CLPTM1: variants seen among roughly 807,000 people sequenced by gnomAD.
The protein encoded by CLPTM1 is CLPTM1 regulator of GABA type A receptor forward trafficking, also known as putative lipid scramblase CLPTM1.
A neutral mutation model predicts 77.3 loss-of-function variants in CLPTM1; 21 were observed. That is an observed-to-expected ratio of 0.27 (90% CI 0.19 to 0.39). The LOEUF (loss-of-function observed/expected upper bound fraction) is 0.39, where lower values mean the gene tolerates loss of function less well. CLPTM1 is among the 10% of genes least tolerant of loss of function. The probability of loss-of-function intolerance (pLI) is 1.00; values close to 1 mark genes in which losing one functional copy is unlikely to be tolerated. For missense variants in CLPTM1, 642 were observed against 921.2 expected, an observed-to-expected ratio of 0.70 and a Z score of 3.92; for synonymous variants, 373 against 381.0, an observed-to-expected ratio of 0.98 and a Z score of 0.24.
At chr19:44,978,279 C>T (rs1970837465) in intron 5 of CLPTM1, among the ~76,000 whole-genome samples, 1 of 152,030 alleles carries the variant, frequency 6.6e-6, no homozygotes, top group African/African-American at 2.4e-5. Context: ...GTAGCATGCT[C>T]CTGTAGTCCC....
chr19:44,963,329 T>C (rs1245808546), intron 2 of CLPTM1, among the ~76,000 whole-genome samples: 1 of 36,710 alleles, frequency 2.7e-5, no homozygotes, highest in Non-Finnish European at 5.1e-5. Flanking sequence ...ATTTTATGTA[T>C]TTTTTTTTTT....
chr19:44,975,306 T>A (rs1338701121), intron 4 of CLPTM1, among the ~76,000 whole-genome samples: 1 of 152,224 alleles, frequency 6.6e-6, no homozygotes, highest in Non-Finnish European at 1.5e-5. Context: ...CTTGTGATAA[T>A]AAGGCTGGGG....
At chr19:44,985,147 G>C in intron 5 of CLPTM1, 71 bp from the exon 6 acceptor site, 2 of 1,075,408 alleles carry the variant, frequency 1.9e-6, no homozygotes, top group South Asian at 2.6e-5. Context: ...TGGTGGGCAG[G>C]GGTCCGGGCT....
At chr19:44,983,220 G>A (rs1164595955) in intron 5 of CLPTM1, among the ~76,000 whole-genome samples, 3 of 152,082 alleles carry the variant, frequency 2.0e-5, no homozygotes, top group African/African-American at 4.8e-5. Flanking sequence ...CAGAGCCCCC[G>A]CTGTTGGCCA....
chr19:44,955,068 G>C (rs28372750), upstream of CLPTM1: 3 of 1,535,720 alleles, frequency 2.0e-6, no homozygotes, highest in Non-Finnish European at 2.6e-6. Flanking sequence ...GTCCCGAAAG[G>C]CTCATATAAC....
chr19:44,975,120 C>T lies in CLPTM1; in HGVS notation c.468+523C>T, dbSNP rs376209646. On this transcript the variant is annotated intron_variant, in intron 4 of 13. Coordinates refer to ENST00000337392, the MANE Select transcript of CLPTM1 (RefSeq NM_001294.4). ...ATGAGAGATTCAGACTCAGGCTCTACGGCTGTGGACTCTCGCAGCCCTAGG... is the reference window on the plus strand; with the variant it reads ...ATGAGAGATTCAGACTCAGGCTCTATGGCTGTGGACTCTCGCAGCCCTAGG... 1.7e-4 allele frequency among the ~76,000 whole-genome samples: 26 copies of T among 152,314 alleles called. No individual in the cohort carries two copies. In the East Asian group the frequency reaches 3.3e-3, roughly 19 times the overall value.
rs1478925334 is a variant in CLPTM1 at position 44,977,572 on chromosome 19, TGTGCTCAAAGAGG to T, written c.586+116_586+128del. Reference sequence around the variant, plus strand: ...AGTCCAGGAGGGCAGGCAGGAAGCCTGTGCTCAAAGAGGGTGGGATTGGCAGGGCAGGCTCAAG... The same window carrying T: ...AGTCCAGGAGGGCAGGCAGGAAGCCTGTGGGATTGGCAGGGCAGGCTCAAG... On this transcript the variant is annotated intron_variant, in intron 5 of 13. Transcript: ENST00000337392. The T allele has an allele frequency of 1.4e-5, 12 of 851,716 alleles. 1 individual carries two copies. The Admixed American group carries it at 2.4e-4, about 17-fold the overall frequency. 52.8% of individuals were successfully genotyped at this position (851,716 alleles called of 1,614,324 possible).
rs535206875 is a variant in CLPTM1 at position 44,970,028 on chromosome 19, G to A, written c.186-3059G>A. ...GCTGCTGATTCTCGCTCATAATGTCGTTTCCTTTTGTGCCTGGCTTATCTC... is the reference window on the plus strand; with the variant it reads ...GCTGCTGATTCTCGCTCATAATGTCATTTCCTTTTGTGCCTGGCTTATCTC... On this transcript the variant is annotated intron_variant, in intron 2 of 13. Coordinates refer to ENST00000337392, the MANE Select transcript of CLPTM1 (RefSeq NM_001294.4). Among the ~76,000 whole-genome samples the A allele has an allele frequency of 8.8e-5, 13 of 147,486 alleles. 3 individuals carry two copies. Among genetic ancestry groups the A allele is most frequent in the African/African-American group, 3.2e-4 (12 of 37,810 alleles).
At chr19:44,967,790 C>T (rs1970657446) in intron 2 of CLPTM1, among the ~76,000 whole-genome samples, 2 of 152,240 alleles carry the variant, frequency 1.3e-5, no homozygotes, top group East Asian at 1.9e-4. Flanking sequence ...AAGAAACCTC[C>T]CCACTCTGTT....
At position 44,992,234 on chromosome 19, in the gene CLPTM1, C is replaced by T; in HGVS notation, c.1557C>T (p.Gly519=). ...TGCTCATGGGTGCTCTCACTGCAGG[C>T]TTCATCACCATGACGCCCCAGCTCT... is the stretch of plus-strand genomic sequence containing the variant. The part of the protein sequence containing the change: ...SMLYGFLLTF[G]FITMTPQLFI... Residue 519 remains glycine (G), a splice_region_variant and synonymous_variant, in exon 13 of 14, where the codon GGC becomes GGT. Coordinates refer to ENST00000337392, the MANE Select transcript of CLPTM1 (RefSeq NM_001294.4). This position sits in a 1 kb window ranked among gnomAD's most constrained non-coding sequence, Gnocchi z 7.7. 1 of 1,613,976 alleles carries T rather than the reference C, an allele frequency of 6.2e-7. No individual in the cohort carries two copies. The highest frequency in any genetic ancestry group is 8.5e-7 in the Non-Finnish European group (1 of 1,179,922).
rs377613090 is a variant in CLPTM1 at position 44,973,150 on chromosome 19, G to A, written c.249G>A (p.Ala83=). The A allele has an allele frequency of 1.4e-4, 220 of 1,613,920 alleles. No individual in the cohort carries two copies. The highest frequency in any genetic ancestry group is 1.7e-4 in the Non-Finnish European group (197 of 1,179,982). The part of the protein sequence containing the change: ...FRRGPAPQDQ[A]GPGGAPRVAS... ...GAGGGCCGGCCCCTCAGGACCAGGC[G>A]GGCCCCGGAGGAGCTCCACGCGTCG... Residue 83 remains alanine (A), a synonymous_variant, in exon 3 of 14, where the codon GCG becomes GCA. Coordinates refer to ENST00000337392, the MANE Select transcript of CLPTM1 (RefSeq NM_001294.4).
At chr19:44,977,550 C>A in intron 5 of CLPTM1, 90 bp downstream of exon 5, 1 of 994,414 alleles carries the variant, frequency 1.0e-6, no homozygotes, top group Non-Finnish European at 1.6e-6. Context: ...AATCCCAAGT[C>A]CAGGAGGGCA....
At chr19:44,966,543 G>A (rs912662986) in intron 2 of CLPTM1, among the ~76,000 whole-genome samples, 4 of 152,182 alleles carry the variant, frequency 2.6e-5, no homozygotes, top group African/African-American at 9.7e-5. Flanking sequence ...GAGGCGGGGG[G>A]CAGGTAGTGT....
rs752168767 is a variant in CLPTM1, at chr19:44,992,803, C to T, written c.1916C>T (p.Thr639Met). The T allele has an allele frequency of 5.0e-6, 8 of 1,613,344 alleles. No homozygotes were observed. The highest frequency in any genetic ancestry group is 1.3e-5 in the African/African-American group (1 of 74,908). Residue 639 changes from threonine to methionine, a missense_variant, in exon 14 of 14, where the codon ACG (threonine) becomes ATG (methionine). Transcript: ENST00000337392. This position sits in a 1 kb window ranked among gnomAD's most constrained non-coding sequence, Gnocchi z 7.7. ...TTTATREEASTSLPTKPTQGA... is the reference protein window; with the variant it reads ...TTTATREEASMSLPTKPTQGA... ...ACCGCCACCAGGGAGGAGGCCTCCA[C>T]GTCCCTGCCCACCAAGCCCACCCAG...
chr19:44,977,833 G>A (rs755384347), intron 5 of CLPTM1, among the ~76,000 whole-genome samples: 9 of 152,038 alleles, frequency 5.9e-5, no homozygotes, highest in Non-Finnish European at 1.3e-4. Flanking sequence ...AATAATTTGT[G>A]GGCTGGGTGC....
At position 44,990,268 on chromosome 19, in the gene CLPTM1, GC is replaced by G; in HGVS notation, c.1133-126del. 3.4e-6 allele frequency: 3 copies of G among 886,246 alleles called. No individual in the cohort carries two copies. The highest frequency in any genetic ancestry group is 5.3e-6 in the Non-Finnish European group (3 of 567,286). 54.9% of individuals were successfully genotyped at this position (886,246 alleles called of 1,614,324 possible). A position where few individuals can be genotyped will look rare whatever the true frequency, so the allele number is the denominator to read the frequency against. On this transcript the variant is annotated intron_variant, in intron 9 of 13. Coordinates refer to ENST00000337392, the MANE Select transcript of CLPTM1 (RefSeq NM_001294.4). This position sits in a 1 kb window ranked among gnomAD's most constrained non-coding sequence, Gnocchi z 4.8. Reference sequence around the variant, plus strand: ...TCCTGGGAGAGAGGGGTCTCGTTCAGCACCCCTCCTGAGGACCCAGCCCCAC... The same window carrying G: ...TCCTGGGAGAGAGGGGTCTCGTTCAGACCCCTCCTGAGGACCCAGCCCCAC...
At chr19:44,964,467 C>T (rs1321321598) in intron 2 of CLPTM1, among the ~76,000 whole-genome samples, 6 of 151,690 alleles carry the variant, frequency 4.0e-5, no homozygotes, top group Non-Finnish European at 7.4e-5. Flanking sequence ...CCTGCCACCA[C>T]GCCTGGCTAA....
At chr19:44,956,649 G>T (rs1044850390) in intron 1 of CLPTM1, among the ~76,000 whole-genome samples, 2 of 152,124 alleles carry the variant, frequency 1.3e-5, no homozygotes, top group African/African-American at 4.8e-5. Flanking sequence ...TGTCTTCAAG[G>T]GTTTCCCAGT....
rs957786922 is a variant in CLPTM1, at chr19:44,977,767, G to A, written c.586+307G>A. On this transcript the variant is annotated intron_variant, in intron 5 of 13. Coordinates refer to ENST00000337392, the MANE Select transcript of CLPTM1 (RefSeq NM_001294.4). ...GGAGGAGACGTCCTTCACCAAGGGG[G>A]AAGGGCCAGGGTTGACTTTTGCACA... 6.6e-5 allele frequency among the ~76,000 whole-genome samples: 10 copies of A among 152,190 alleles called. No homozygotes were observed. The East Asian group carries it at 1.7e-3, about 26-fold the overall frequency.
Sources: allele counts gnomAD v4.1 joint callset (sites outside exome capture counted in the v4.1 genomes callset), GRCh38; gene constraint gnomAD v4.1.1; non-coding constraint Gnocchi (gnomAD v3.1); transcripts MANE v1.5; gene names NCBI Gene and HGNC (gene_info 2026-07-23, HGNC 2026-07-21).